The following PEPD variants were observed in gnomAD, a reference collection of about 807,000 sequenced individuals.
PEPD encodes xaa-Pro dipeptidase.
A neutral mutation model predicts 60.7 loss-of-function variants in PEPD; 53 were observed. The observed-to-expected ratio is 0.87, with a 90% CI of 0.70 to 1.10. The LOEUF (loss-of-function observed/expected upper bound fraction) is 1.10. Ranked by LOEUF, PEPD falls within the 50% of genes least tolerant of loss-of-function variation. The probability of loss-of-function intolerance (pLI) is 0.00; values close to 1 mark genes in which losing one functional copy is unlikely to be tolerated. For missense variants in PEPD, 711 were observed against 711.9 expected, an observed-to-expected ratio of 1.00 and a Z score of 0.01; for synonymous variants, 267 against 284.1, an observed-to-expected ratio of 0.94 and a Z score of 0.60.
intron 9 of PEPD, among the ~76,000 whole-genome samples, chr19:33,448,471 G>A (rs1969634466): frequency 6.6e-6 from 1 of 152,192 alleles, no homozygotes; most frequent in Non-Finnish European, 1.5e-5. Context: ...CAGAGGCCTG[G>A]AGGCACCCAC....
In PEPD at chr19:33,413,546, C is replaced by T. The variant is rs757397118; in HGVS notation, c.740+29G>A. The T allele has an allele frequency of 1.1e-5, 15 of 1,408,778 alleles. No homozygotes were observed. The South Asian group carries it at 1.5e-4, about 14-fold the overall frequency. The allele number at this position is 1,408,778 out of a possible 1,614,324, so 87.3% of individuals were successfully genotyped here. On this transcript the variant is annotated intron_variant, in intron 10 of 14. Coordinates refer to ENST00000244137, the MANE Select transcript of PEPD (RefSeq NM_000285.4). ...TGCCCTACCTCCTCCCACTGGTCAC[C>T]CCCAGGGGAGCCAGGGTGCCCCGCT... is the stretch of plus-strand genomic sequence containing the variant.
chr19:33,498,203 C>T (rs1157711985), intron 4 of PEPD, among the ~76,000 whole-genome samples: 2 of 152,166 alleles, frequency 1.3e-5, no homozygotes, highest in Non-Finnish European at 2.9e-5. Flanking sequence ...GTAACAGTAA[C>T]ATCAACACCA....
chr19:33,431,473 C>T (rs1046918493), intron 9 of PEPD, among the ~76,000 whole-genome samples: 1 of 152,148 alleles, frequency 6.6e-6, no homozygotes, highest in African/African-American at 2.4e-5. Flanking sequence ...CTCTTCATTC[C>T]GCCCAAGACA....
intron 1 of PEPD, among the ~76,000 whole-genome samples, chr19:33,518,517 C>T (rs562442158): frequency 6.6e-6 from 1 of 152,258 alleles, no homozygotes; most frequent in African/African-American, 2.4e-5. Flanking sequence ...CTCTTTTTGG[C>T]TCTGCAACAG....
chr19:33,410,621 G>A (rs149715760), intron 11 of PEPD, among the ~76,000 whole-genome samples: 10 of 152,328 alleles, frequency 6.6e-5, no homozygotes, highest in Non-Finnish European at 1.0e-4. Context: ...ATGGGAAGGC[G>A]GAGGCAGCCC....
intron 1 of PEPD, among the ~76,000 whole-genome samples, chr19:33,521,508 G>A (rs1226809961): frequency 6.6e-6 from 1 of 152,238 alleles, no homozygotes; most frequent in East Asian, 1.9e-4. Flanking sequence ...GCCGCCAGAC[G>A]CGGGCAGGTG....
intron 9 of PEPD, among the ~76,000 whole-genome samples, chr19:33,449,156 C>G (rs1969649895): frequency 6.6e-6 from 1 of 152,226 alleles, no homozygotes; most frequent in African/African-American, 2.4e-5. Context: ...GTAGAGAAGA[C>G]ATCTTCCATG....
At chr19:33,421,995 A>T (rs1347289485) in intron 9 of PEPD, among the ~76,000 whole-genome samples, 1 of 151,874 alleles carries the variant, frequency 6.6e-6, no homozygotes, top group Non-Finnish European at 1.5e-5. Flanking sequence ...CCACAAACGG[A>T]TCCTTCCACA....
rs371319654 is a variant in PEPD at position 33,400,065 on chromosome 19, C to T, written c.967+1656G>A. 5.0e-4 allele frequency among the ~76,000 whole-genome samples: 76 copies of T among 152,308 alleles called. No individual in the cohort carries two copies. In the East Asian group the frequency reaches 0.011, roughly 23 times the overall value. On this transcript the variant is annotated intron_variant, in intron 12 of 14. Transcript: ENST00000244137. ...GCTACTGGGCTATCCCCTCTGCCCG[C>T]GGTAAGCCCACCTGGCTCCTGGAGG... is the stretch of plus-strand genomic sequence containing the variant.
At chr19:33,449,817 TAAGG>T (rs1969663354) in intron 9 of PEPD, among the ~76,000 whole-genome samples, 1 of 152,108 alleles carries the variant, frequency 6.6e-6, no homozygotes, top group Non-Finnish European at 1.5e-5. Context: ...CTGAAACTGA[TAAGG>T]AAGCCACAGA....
At chr19:33,429,237 G>A (rs1204892086) in intron 9 of PEPD, among the ~76,000 whole-genome samples, 2 of 152,176 alleles carry the variant, frequency 1.3e-5, no homozygotes, top group Non-Finnish European at 2.9e-5. Flanking sequence ...GCATGAGCAA[G>A]AAATGAGCCT....
At position 33,387,297 on chromosome 19, in the gene PEPD, A is replaced by G. The variant is rs775005348; in HGVS notation, c.*47T>C. ...CCAGCAGGCTGCCCATCACGAAAAG[A>G]GGTTGCAAGGCCAGGCCCCCAGGTG... On this transcript the variant is annotated 3_prime_UTR_variant, in exon 15 of 15. Coordinates refer to ENST00000244137, the MANE Select transcript of PEPD (RefSeq NM_000285.4). The G allele has an allele frequency of 1.9e-5, 31 of 1,610,264 alleles. No individual in the cohort carries two copies. In the African/African-American group the frequency reaches 3.7e-4, roughly 19 times the overall value.
chr19:33,393,179 G>A (rs1341598736), intron 12 of PEPD, among the ~76,000 whole-genome samples: 1 of 151,456 alleles, frequency 6.6e-6, no homozygotes, highest in Admixed American at 6.6e-5. Flanking sequence ...CTGGGGTCTG[G>A]CGTGGGGGAG....
At position 33,387,415 on chromosome 19, in the gene PEPD, T is replaced by C. The variant is rs1968098463; in HGVS notation, c.1411A>G (p.Thr471Ala). 1.2e-6 allele frequency: 2 copies of C among 1,613,938 alleles called. No homozygotes were observed. The highest frequency in any genetic ancestry group is 2.7e-5 in the African/African-American group (2 of 74,936). ...ATGCATGCTTCAATCTCTTCCACAG[T>C]GCGGGGCACGCAGGTCAGCAGCTCT... Reference protein sequence around the residue: ...GIELLTCVPRTVEEIEACMAG... With the variant: ...GIELLTCVPRAVEEIEACMAG... The change falls in exon 15 of 15, where the codon ACT (threonine) becomes GCT (alanine). Residue 471 changes from threonine (T) to alanine (A), a missense_variant. Thr to Ala is a moderately conservative substitution (Grantham distance 58). Transcript: ENST00000244137.
chr19:33,430,684 T>G (rs894535524), intron 9 of PEPD, among the ~76,000 whole-genome samples: 1 of 152,126 alleles, frequency 6.6e-6, no homozygotes, highest in African/African-American at 2.4e-5. Context: ...TGAAAACACT[T>G]TTGGGAAGAA....
intron 9 of PEPD, among the ~76,000 whole-genome samples, chr19:33,456,854 T>G (rs1450117486): frequency 2.6e-5 from 4 of 151,776 alleles, no homozygotes; most frequent in Non-Finnish European, 4.4e-5. Flanking sequence ...GAGAGCAGAT[T>G]AGGTCAGACT....
At chr19:33,442,337 G>A (rs1289653683) in intron 9 of PEPD, among the ~76,000 whole-genome samples, 7 of 151,946 alleles carry the variant, frequency 4.6e-5, no homozygotes, top group Non-Finnish European at 1.0e-4. Flanking sequence ...AACCCGGGAG[G>A]CGGAGGTTGC....
At chr19:33,466,550 C>A (rs757911768) in intron 7 of PEPD, among the ~76,000 whole-genome samples, 7 of 152,130 alleles carry the variant, frequency 4.6e-5, no homozygotes, top group Non-Finnish European at 8.8e-5. Flanking sequence ...CACAAGCGAA[C>A]AACCATACAA....
chr19:33,475,709 A>G (rs1680413772), intron 7 of PEPD, among the ~76,000 whole-genome samples: 1 of 152,186 alleles, frequency 6.6e-6, no homozygotes, highest in Non-Finnish European at 1.5e-5. Context: ...CCACAAGGGA[A>G]TGTCCCATGT....
Sources: gnomAD v4.1 joint callset for allele counts (sites outside exome capture counted in the v4.1 genomes callset) on GRCh38, gnomAD v4.1.1 for gene constraint, MANE v1.5 for transcripts, NCBI Gene and HGNC (gene_info 2026-07-23, HGNC 2026-07-21) for gene names.